Variants in PLEKHA8 observed in about 807,000 individuals in gnomAD.
PLEKHA8 encodes the protein pleckstrin homology domain-containing family A member 8.
A neutral mutation model predicts 68.2 loss-of-function variants in PLEKHA8; 36 were observed. That is an observed-to-expected ratio of 0.53 (90% CI 0.40 to 0.70). The LOEUF (loss-of-function observed/expected upper bound fraction) is 0.70. Ranked by LOEUF, PLEKHA8 falls within the 30% of genes least tolerant of loss-of-function variation. PLEKHA8 has a pLI of 0.00. For missense variants in PLEKHA8, 505 were observed against 615.4 expected (o/e 0.82, Z 1.90); for synonymous variants, 211 against 216.1 (o/e 0.98, Z 0.20).
intron 3 of PLEKHA8, among the ~76,000 whole-genome samples, chr7:30,046,852 G>C (rs189672474): frequency 6.6e-6 from 1 of 152,144 alleles, no homozygotes; most frequent in Admixed American, 6.5e-5. Context: ...TTTTTTTCTG[G>C]GGTGGGATGG....
Position 30,049,301 on chromosome 7 carries a change from C to T in PLEKHA8, c.516C>T (p.Ile172=), listed in dbSNP as rs145742597. The T allele has an allele frequency of 2.8e-5, 45 of 1,613,954 alleles. No homozygotes were observed. Among genetic ancestry groups the T allele is most frequent in the Non-Finnish European group, 3.6e-5 (42 of 1,180,020 alleles). The change falls in exon 5 of 14, where the codon ATC becomes ATT. Residue 172 remains isoleucine (I), a synonymous_variant. Transcript: ENST00000449726. ...AGACCTTGGAAGAATGCATGCAGATCGCAAATGCAGCCTTCACCTCTGAGC... is the reference window on the plus strand; with the variant it reads ...AGACCTTGGAAGAATGCATGCAGATTGCAAATGCAGCCTTCACCTCTGAGC... ...FLKTLEECMQ[I]ANAAFTSELL... is the part of the protein sequence containing the mutation.
chr7:30,091,316 C>T (rs1045055361), downstream of PLEKHA8, among the ~76,000 whole-genome samples: 1 of 147,640 alleles, frequency 6.8e-6, no homozygotes, highest in East Asian at 2.0e-4. Context: ...CCTATGATAT[C>T]TTTTTATTTT....
At chr7:30,060,200 G>A (rs1250122679) in intron 9 of PLEKHA8, among the ~76,000 whole-genome samples, 2 of 152,128 alleles carry the variant, frequency 1.3e-5, no homozygotes. Flanking sequence ...CCAGCACTTT[G>A]GGAGGCTGAG....
At chr7:30,046,059 TTG>T (rs1791931577) in intron 2 of PLEKHA8, 149 bp from the exon 3 acceptor site, 1 of 637,492 alleles carries the variant, frequency 1.6e-6, no homozygotes, top group Non-Finnish European at 2.5e-6. Flanking sequence ...AAACAGAACT[TTG>T]TGTGAATTAG....
intron 7 of PLEKHA8, among the ~76,000 whole-genome samples, chr7:30,054,071 C>T (rs911198336): frequency 2.0e-5 from 3 of 152,106 alleles, no homozygotes; most frequent in African/African-American, 4.8e-5. Context: ...GAACGCTAGA[C>T]GGTACTATAC....
chr7:30,047,795 G>A (rs1238592434), intron 3 of PLEKHA8, 37 bp from the exon 4 acceptor site: 4 of 1,587,174 alleles, frequency 2.5e-6, no homozygotes, highest in Non-Finnish European at 3.4e-6. Flanking sequence ...TCAGTTGTTT[G>A]TTCTGGTTAC....
chr7:30,094,410 G>C (rs1335491356), downstream of PLEKHA8, among the ~76,000 whole-genome samples: 1 of 151,566 alleles, frequency 6.6e-6, no homozygotes, highest in Non-Finnish European at 1.5e-5. Flanking sequence ...GAGTAGCTAG[G>C]ATTATAGGCG....
chr7:30,115,850 GCATA>G (rs1222603874), intron 13 of PLEKHA8: 5 of 148,040 alleles, frequency 3.4e-5, no homozygotes, highest in African/African-American at 1.3e-4. Context: ...ATACACGTAT[GCATA>G]CATACGTGCA....
chr7:30,045,033 G>A lies in PLEKHA8; in HGVS notation c.41-52G>A. 4.8e-6 allele frequency: 6 copies of A among 1,262,536 alleles called. No individual in the cohort carries two copies. The South Asian group carries it at 7.9e-5, about 17-fold the overall frequency. 78.2% of individuals were successfully genotyped at this position (1,262,536 alleles called of 1,614,324 possible). A position where few individuals can be genotyped will look rare whatever the true frequency, so the allele number is the denominator to read the frequency against. On this transcript the variant is annotated intron_variant, in intron 1 of 13. Transcript: ENST00000449726. The stretch of plus-strand genomic sequence containing the variant: ...AGGCTCTATTTCTGTATCTTGGGAG[G>A]TAGTTCATACACAGGCAGTAATTGC...
chr7:30,089,216 A>G (rs535420375), downstream of PLEKHA8, among the ~76,000 whole-genome samples: 3 of 152,258 alleles, frequency 2.0e-5, no homozygotes, highest in South Asian at 4.1e-4. Flanking sequence ...GCTGGTACAC[A>G]CTAATGTGGC....
At position 30,102,843 on chromosome 7, in the gene PLEKHA8, C is replaced by T. The variant is rs548736590; in HGVS notation, c.1363-26423C>T. The stretch of plus-strand genomic sequence containing the variant: ...GCAAGGATGGCTTGAGGCCAAGGCC[C>T]GGAGTTCCAGACCAGTCAGGGCAAA... On this transcript the variant is annotated intron_variant, in intron 13 of 13. Coordinates refer to the PLEKHA8 transcript ENST00000396257. Among the ~76,000 whole-genome samples, 12 of 152,290 alleles carry T rather than the reference C, an allele frequency of 7.9e-5. No individual in the cohort carries two copies. The South Asian group carries it at 1.5e-3, about 18-fold the overall frequency.
intron 9 of PLEKHA8, among the ~76,000 whole-genome samples, chr7:30,057,567 C>T (rs1793095628): frequency 1.3e-5 from 2 of 151,944 alleles, no homozygotes; most frequent in East Asian, 1.9e-4. Flanking sequence ...AAGTGATTCT[C>T]CTGCCCCAGC....
chr7:30,056,065 C>G (rs920292994), intron 9 of PLEKHA8, among the ~76,000 whole-genome samples: 5 of 150,704 alleles, frequency 3.3e-5, no homozygotes, highest in Non-Finnish European at 5.9e-5. Flanking sequence ...GCCTCAGCCT[C>G]CCGAGTAGCT....
At chr7:30,060,482 C>T (rs1482488407) in intron 9 of PLEKHA8, among the ~76,000 whole-genome samples, 1 of 152,138 alleles carries the variant, frequency 6.6e-6, no homozygotes, top group Non-Finnish European at 1.5e-5. Context: ...AGATATTTTG[C>T]AATCTCTTTT....
At position 30,081,966 on chromosome 7, in the gene PLEKHA8, A is replaced by G. The variant is rs1794953305; in HGVS notation, c.*3179A>G. 1.1e-6 allele frequency: 1 copy of G among 946,650 alleles called. No homozygotes were observed. Among genetic ancestry groups the G allele is most frequent in the African/African-American group, 1.8e-5 (1 of 56,350 alleles). The allele number at this position is 946,650 out of a possible 1,614,324, so 58.6% of individuals were successfully genotyped here. A position where few individuals can be genotyped will look rare whatever the true frequency, so the allele number is the denominator to read the frequency against. ...ATAGCTAATGCTGGTGAAAAATGTT[A>G]AATTGGAGAGATCCCTTTTGGGAGT... is the stretch of plus-strand genomic sequence containing the variant. On this transcript the variant is annotated 3_prime_UTR_variant, in exon 14 of 14. Coordinates refer to ENST00000449726, the MANE Select transcript of PLEKHA8 (RefSeq NM_001197026.2).
chr7:30,083,918 T>G lies in PLEKHA8; in HGVS notation c.*5131T>G. ...CTGTGTATGCGTGTCTGTTTATAGG[T>G]GTATATGGAGTCAGTGTTGATAGGA... On this transcript the variant is annotated 3_prime_UTR_variant, in exon 14 of 14. Transcript: ENST00000449726. The G allele has an allele frequency of 1.0e-6, 1 of 985,468 alleles. No homozygotes were observed. The highest frequency in any genetic ancestry group is 1.2e-6 in the Non-Finnish European group (1 of 829,912). 61.0% of individuals were successfully genotyped at this position (985,468 alleles called of 1,614,324 possible).
At chr7:30,033,990 T>G (rs1790854869) in intron 1 of PLEKHA8, among the ~76,000 whole-genome samples, 1 of 149,668 alleles carries the variant, frequency 6.7e-6, no homozygotes, top group Admixed American at 6.6e-5. Context: ...ATTTTTTCAT[T>G]ACAGAGTTGT....
intron 7 of PLEKHA8, among the ~76,000 whole-genome samples, chr7:30,053,729 TGTTCTTTGTGGCATTACA>T (rs1342659494): frequency 1.3e-5 from 2 of 152,208 alleles, no homozygotes; most frequent in Non-Finnish European, 2.9e-5. Flanking sequence ...TTGATAGGGA[TGTTCTTTGTGGCATTACA>T]GTCAGTTCTC....
chr7:30,077,288 G>T (rs1183474042), intron 13 of PLEKHA8, among the ~76,000 whole-genome samples: 1 of 151,754 alleles, frequency 6.6e-6, no homozygotes, highest in African/African-American at 2.4e-5. Flanking sequence ...TGCCCTTTTG[G>T]TCTTTATCAT....
Sources: gnomAD v4.1 joint callset for allele counts (sites outside exome capture counted in the v4.1 genomes callset) on GRCh38, gnomAD v4.1.1 for gene constraint, MANE v1.5 for transcripts, NCBI Gene and HGNC (gene_info 2026-07-23, HGNC 2026-07-21) for gene names.